Variants in NCK2 observed in about 807,000 individuals in gnomAD.
NCK2 encodes NCK adaptor protein 2.
Under a neutral mutation model 33.9 loss-of-function variants are expected in NCK2, and 16 were observed. The observed-to-expected ratio is 0.47, with a 90% CI of 0.32 to 0.72. The LOEUF (loss-of-function observed/expected upper bound fraction) is 0.72. NCK2 is among the 30% of genes least tolerant of loss of function. NCK2 has a pLI of 0.03. For synonymous variants in NCK2, 273 were observed against 239.9 expected, an observed-to-expected ratio of 1.14 and a Z score of -1.27; for missense variants, 418 against 537.3, an observed-to-expected ratio of 0.78 and a Z score of 2.19.
At chr2:105,854,713 C>T (rs886289317) in intron 2 of NCK2, 28 of 215,378 alleles carry the variant, frequency 1.3e-4, no homozygotes, top group African/African-American at 4.6e-4. Context: ...GTCAACCTAA[C>T]AGTTATCAGG....
chr2:105,874,852 T>G (rs1434148618), intron 3 of NCK2, among the ~76,000 whole-genome samples: 1 of 152,228 alleles, frequency 6.6e-6, no homozygotes, highest in Non-Finnish European at 1.5e-5. Flanking sequence ...TTCAGGAAAG[T>G]TAAAATGTGC....
intron 1 of NCK2, among the ~76,000 whole-genome samples, chr2:105,768,071 T>A (rs1004391564): frequency 2.6e-4 from 40 of 152,254 alleles, no homozygotes; most frequent in African/African-American, 9.2e-4. Context: ...GCTAGATGTG[T>A]AACTTCACCT....
At chr2:105,788,609 A>G (rs2104419173) in intron 1 of NCK2, among the ~76,000 whole-genome samples, 1 of 152,304 alleles carries the variant, frequency 6.6e-6, no homozygotes, top group South Asian at 2.1e-4. Context: ...ACTTATATGT[A>G]GGTTAAATAA....
rs11124061 is a variant in NCK2 at position 105,827,221 on chromosome 2, G to T, written c.-17+10608G>T. ...TCACCATGTTAGCCAGGATGGTCTC[G>T]ATCTCCTGACCTCGTGATCTACCCG... On this transcript the variant is annotated intron_variant, in intron 2 of 4. Coordinates refer to ENST00000233154, the MANE Select transcript of NCK2 (RefSeq NM_003581.5). Among the ~76,000 whole-genome samples the T allele has an allele frequency of 3.3e-5, 5 of 151,978 alleles. No individual in the cohort carries two copies. The East Asian group carries it at 9.7e-4, about 30-fold the overall frequency.
intron 3 of NCK2, among the ~76,000 whole-genome samples, chr2:105,873,475 A>G (rs188572236): frequency 5.3e-4 from 80 of 152,306 alleles, no homozygotes; most frequent in African/African-American, 1.9e-3. Context: ...CACGCCACCC[A>G]GCTATGAATT....
upstream of NCK2, chr2:105,744,896 T>TGCC (rs1327490401): frequency 1.6e-5 from 2 of 124,228 alleles, no homozygotes; most frequent in East Asian, 2.6e-4. Flanking sequence ...CCGCCGCCGC[T>TGCC]GCCGCGGGGA....
At chr2:105,831,546 TC>T (rs1229712988) in intron 2 of NCK2, among the ~76,000 whole-genome samples, 1 of 152,296 alleles carries the variant, frequency 6.6e-6, no homozygotes, top group East Asian at 1.9e-4. Context: ...AAGTCTTTAA[TC>T]AATTTTGAGT....
Position 105,855,257 on chromosome 2 carries a change from G to A in NCK2, c.194G>A (p.Gly65Asp), listed in dbSNP as rs1395888799. The A allele has an allele frequency of 6.2e-7, 1 of 1,610,838 alleles. No individual in the cohort carries two copies. The highest frequency in any genetic ancestry group is 1.1e-5 in the South Asian group (1 of 90,414). Residue 65 changes from glycine (G) to aspartate (D), a missense_variant, in exon 3 of 5, where the codon GGC (glycine) becomes GAC (aspartate). Physicochemically the swap from Gly to Asp is moderately conservative, Grantham distance 94. Coordinates refer to ENST00000233154, the MANE Select transcript of NCK2 (RefSeq NM_003581.5). ...GAGCGGAAGAACAGCCTGAAGAAGG[G>A]CTCCCTCGTGAAGAACCTGAAGGAC... Reference protein sequence around the residue: ...YVERKNSLKKGSLVKNLKDTL... With the variant: ...YVERKNSLKKDSLVKNLKDTL...
chr2:105,870,642 C>T (rs1346597390), intron 3 of NCK2, among the ~76,000 whole-genome samples: 3 of 152,098 alleles, frequency 2.0e-5, no homozygotes, highest in Admixed American at 6.6e-5. Flanking sequence ...GCAATCTCAG[C>T]TACTTGGGAG....
At chr2:105,778,502 A>G (rs945252676) in intron 1 of NCK2, among the ~76,000 whole-genome samples, 1 of 152,226 alleles carries the variant, frequency 6.6e-6, no homozygotes, top group African/African-American at 2.4e-5. Context: ...CGGTGATGGC[A>G]GAGGGAAGAA....
At chr2:105,864,102 G>T (rs1677655134) in intron 3 of NCK2, among the ~76,000 whole-genome samples, 1 of 152,082 alleles carries the variant, frequency 6.6e-6, no homozygotes, top group African/African-American at 2.4e-5. Context: ...GGCAGCCTCT[G>T]GGGTGGGGCA....
intron 3 of NCK2, 28 bp from the exon 4 acceptor site, chr2:105,881,300 G>T: frequency 6.4e-7 from 1 of 1,554,436 alleles, no homozygotes; most frequent in Non-Finnish European, 8.7e-7. Context: ...AGTGCCCTGC[G>T]CCACTGAGCC....
At chr2:105,820,484 G>T (rs1402472127) in intron 2 of NCK2, among the ~76,000 whole-genome samples, 1 of 152,144 alleles carries the variant, frequency 6.6e-6, no homozygotes, top group Non-Finnish European at 1.5e-5. Flanking sequence ...TAACGTCTCA[G>T]CCCATTTCCA....
At chr2:105,874,025 T>C (rs1358728628) in intron 3 of NCK2, among the ~76,000 whole-genome samples, 1 of 152,158 alleles carries the variant, frequency 6.6e-6, no homozygotes, top group Admixed American at 6.5e-5. Flanking sequence ...ATGGGGCCCT[T>C]CACAGAGAGG....
At chr2:105,882,641 C>T (rs1264811205) in intron 4 of NCK2, among the ~76,000 whole-genome samples, 2 of 151,878 alleles carry the variant, frequency 1.3e-5, no homozygotes, top group African/African-American at 4.8e-5. Context: ...TGCAGTGAGT[C>T]GGAGATATGA....
At chr2:105,744,692 A>T, upstream of NCK2, among the ~76,000 whole-genome samples, 1 of 151,206 alleles carries the variant, frequency 6.6e-6, no homozygotes, top group East Asian at 2.0e-4. Context: ...CCGTACCGGG[A>T]CCCGGGCGCG....
At chr2:105,783,370 G>A (rs570293170) in intron 1 of NCK2, among the ~76,000 whole-genome samples, 2 of 152,290 alleles carry the variant, frequency 1.3e-5, no homozygotes, top group East Asian at 3.9e-4. Context: ...CTCGGAGTGA[G>A]GCATTAAATT....
intron 3 of NCK2, among the ~76,000 whole-genome samples, chr2:105,870,273 G>A (rs979472408): frequency 2.0e-5 from 3 of 152,234 alleles, no homozygotes; most frequent in Admixed American, 2.0e-4. Flanking sequence ...TGAGGAGGCA[G>A]GGGGCCAGCA....
At chr2:105,779,921 T>G (rs12470376) in intron 1 of NCK2, among the ~76,000 whole-genome samples, 1 of 151,398 alleles carries the variant, frequency 6.6e-6, no homozygotes. Context: ...CACCCTCTCA[T>G]TCAGGATAGC....
Sources: allele counts gnomAD v4.1 joint callset (sites outside exome capture counted in the v4.1 genomes callset), GRCh38; gene constraint gnomAD v4.1.1; transcripts MANE v1.5; gene names NCBI Gene and HGNC (gene_info 2026-07-23, HGNC 2026-07-21).